Variants in NRF1 observed in about 807,000 individuals in gnomAD.
NRF1 encodes nuclear respiratory factor 1.
In NRF1, 5 loss-of-function variants were observed where a neutral mutation model predicts 58.5. The ratio of observed to expected loss-of-function variants is 0.09; its 90% CI spans 0.04 to 0.18. The LOEUF (loss-of-function observed/expected upper bound fraction) is 0.18, where lower values mean the gene tolerates loss of function less well. Ranked by LOEUF, NRF1 falls within the 10% of genes least tolerant of loss-of-function variation. The pLI is 1.00. For missense variants in NRF1, 288 were observed against 657.7 expected (o/e 0.44, Z 6.15); for synonymous variants, 224 against 246.7 (o/e 0.91, Z 0.86).
intron 4 of NRF1, among the ~76,000 whole-genome samples, chr7:129,681,742 A>T (rs1802315717): frequency 6.6e-6 from 1 of 151,874 alleles, no homozygotes; most frequent in Non-Finnish European, 1.5e-5. Flanking sequence ...CCCAGCTAAG[A>T]TAAGAAGTAC....
chr7:129,732,708 T>G (rs1361708906), intron 10 of NRF1, among the ~76,000 whole-genome samples: 2 of 152,160 alleles, frequency 1.3e-5, no homozygotes, highest in East Asian at 3.9e-4. Context: ...GTTCAAGTGA[T>G]TCTCTTGCCT....
chr7:129,754,108 A>C (rs1029039800), intron 10 of NRF1, among the ~76,000 whole-genome samples: 1 of 152,140 alleles, frequency 6.6e-6, no homozygotes, highest in African/African-American at 2.4e-5. Flanking sequence ...GGAAGGCCCT[A>C]CCCTAAGGCA....
intron 10 of NRF1, among the ~76,000 whole-genome samples, chr7:129,744,598 G>C (rs10224702): frequency 6.6e-6 from 1 of 151,832 alleles, no homozygotes; most frequent in Non-Finnish European, 1.5e-5. Context: ...ATTTGGCTAT[G>C]CTAAGTACAG....
chr7:129,673,204 G>A, intron 3 of NRF1, among the ~76,000 whole-genome samples: 1 of 152,136 alleles, frequency 6.6e-6, no homozygotes, highest in East Asian at 1.9e-4. Flanking sequence ...TCAAAGGAGT[G>A]GTAAGGGTGA....
intron 1 of NRF1, among the ~76,000 whole-genome samples, chr7:129,651,860 A>G (rs1801545758): frequency 6.6e-6 from 1 of 152,198 alleles, no homozygotes. Flanking sequence ...ATAAAACAGG[A>G]TATGGAAGGG....
chr7:129,659,029 T>C (rs1801723243), intron 2 of NRF1, among the ~76,000 whole-genome samples: 1 of 148,798 alleles, frequency 6.7e-6, no homozygotes, highest in Non-Finnish European at 1.5e-5. Context: ...AGAAACAATC[T>C]CAAGAGGATT....
At chr7:129,648,909 A>C (rs1056160984) in intron 1 of NRF1, among the ~76,000 whole-genome samples, 1 of 137,872 alleles carries the variant, frequency 7.3e-6, no homozygotes, top group African/African-American at 2.6e-5. Context: ...ATGTACAACT[A>C]TAGCTTCATT....
At chr7:129,706,244 T>C (rs1224614862) in intron 5 of NRF1, among the ~76,000 whole-genome samples, 1 of 152,152 alleles carries the variant, frequency 6.6e-6, no homozygotes, top group Non-Finnish European at 1.5e-5. Flanking sequence ...TTAGTTGCCA[T>C]AGTTAAAAGA....
At chr7:129,661,588 CAA>C (rs140098545) in intron 2 of NRF1, among the ~76,000 whole-genome samples, 3,760 of 151,110 alleles carry the variant, frequency 0.025, 83 homozygotes, top group Middle Eastern at 0.078. Context: ...CGAAGCATAA[CAA>C]GAGTCACCTT....
intron 1 of NRF1, among the ~76,000 whole-genome samples, chr7:129,612,285 G>T (rs1408555641): frequency 3.2e-5 from 3 of 94,250 alleles, no homozygotes; most frequent in Non-Finnish European, 6.8e-5. Flanking sequence ...GGCCCTTCCC[G>T]GCTCTCGTAC....
intron 1 of NRF1, among the ~76,000 whole-genome samples, 171 bp downstream of exon 1, chr7:129,611,995 G>A (rs2151050252): frequency 6.7e-6 from 1 of 149,096 alleles, no homozygotes; most frequent in Middle Eastern, 3.4e-3. Context: ...CCCCGGCCCG[G>A]CCCAGCCAAA....
chr7:129,708,221 T>C (rs553015887), intron 5 of NRF1, among the ~76,000 whole-genome samples: 2 of 152,348 alleles, frequency 1.3e-5, no homozygotes, highest in Non-Finnish European at 2.9e-5. Flanking sequence ...ATTGATAAAC[T>C]GCTTTTCTTG....
intron 1 of NRF1, among the ~76,000 whole-genome samples, chr7:129,628,327 T>C (rs928081520): frequency 2.0e-5 from 3 of 151,822 alleles, no homozygotes; most frequent in African/African-American, 7.3e-5. Context: ...TCCTGACCCT[T>C]TTACTCTCAT....
intron 8 of NRF1, 23 bp from the exon 9 acceptor site, chr7:129,717,196 C>T: frequency 6.4e-7 from 1 of 1,551,696 alleles, no homozygotes; most frequent in Non-Finnish European, 8.7e-7. Context: ...TGTTTTTTTA[C>T]TATCTTGTCC....
chr7:129,731,179 G>A (rs779578182), intron 10 of NRF1, among the ~76,000 whole-genome samples: 5 of 151,514 alleles, frequency 3.3e-5, no homozygotes, highest in African/African-American at 1.2e-4. Context: ...TTCCAGGCAC[G>A]AGAATCGCTT....
intron 3 of NRF1, among the ~76,000 whole-genome samples, chr7:129,676,553 A>T (rs1223552081): frequency 6.6e-6 from 1 of 152,252 alleles, no homozygotes; most frequent in East Asian, 1.9e-4. Flanking sequence ...CACAACATTT[A>T]TCAGTCAAGT....
intron 1 of NRF1, among the ~76,000 whole-genome samples, chr7:129,621,878 G>A (rs1365156325): frequency 6.6e-6 from 1 of 151,044 alleles, no homozygotes; most frequent in Non-Finnish European, 1.5e-5. Context: ...CGCCTCTCGG[G>A]TTCAAGCGAT....
Position 129,677,190 on chromosome 7 carries a change from T to C in NRF1, c.339-442T>C, listed in dbSNP as rs936963042. ...CATGTCTGGGTAATGTTTTTGTATT[T>C]TTAGTAGAGACGGGTTTTACACCAT... On this transcript the variant is annotated intron_variant, in intron 3 of 10. Transcript: ENST00000393232. 1.6e-4 allele frequency among the ~76,000 whole-genome samples: 25 copies of C among 152,108 alleles called. 1 individual carries two copies. The highest frequency in any genetic ancestry group is 8.8e-5 in the Non-Finnish European group (6 of 68,018).
In NRF1 at chr7:129,647,839, C is replaced by T. The variant is rs181047203; in HGVS notation, c.-6-9507C>T. Among the ~76,000 whole-genome samples the T allele has an allele frequency of 2.0e-5, 3 of 152,192 alleles. No individual in the cohort carries two copies. In the East Asian group the frequency reaches 5.8e-4, roughly 29 times the overall value. On this transcript the variant is annotated intron_variant, in intron 1 of 10. Transcript: ENST00000393232. Reference sequence around the variant, plus strand: ...ATACAATTTTGTTAGTTTTAGATGCCGCAAATTAGGAGTTTGTCTTCCTCA... The same window carrying T: ...ATACAATTTTGTTAGTTTTAGATGCTGCAAATTAGGAGTTTGTCTTCCTCA...
Sources: gnomAD v4.1 joint callset for allele counts (sites outside exome capture counted in the v4.1 genomes callset) on GRCh38, gnomAD v4.1.1 for gene constraint, MANE v1.5 for transcripts, NCBI Gene and HGNC (gene_info 2026-07-23, HGNC 2026-07-21) for gene names.